Variants in USH2A observed in about 807,000 individuals in gnomAD.
USH2A encodes usherin, also known as Usher syndrome 2A (autosomal recessive, mild).
USH2A carries 443 observed loss-of-function variants against 538.9 expected under a neutral mutation model. That is an observed-to-expected ratio of 0.82 (90% CI 0.76 to 0.89). USH2A has a LOEUF of 0.89. Ranked by LOEUF, USH2A falls within the 40% of genes least tolerant of loss-of-function variation. The probability of loss-of-function intolerance (pLI) is 0.00; values close to 1 mark genes in which losing one functional copy is unlikely to be tolerated. For synonymous variants in USH2A, 2,413 were observed against 2,273.5 expected, an observed-to-expected ratio of 1.06 and a Z score of -1.75; for missense variants, 6,633 against 6,324.8, an observed-to-expected ratio of 1.05 and a Z score of -1.65.
intron 55 of USH2A, among the ~76,000 whole-genome samples, chr1:215,776,815 C>T (rs932541995): frequency 1.2e-4 from 19 of 152,072 alleles, no homozygotes; most frequent in Admixed American, 1.2e-3. Context: ...GTCAGCTAAC[C>T]GTGGAACTGA....
At chr1:216,258,662 T>A (rs2036303832) in intron 11 of USH2A, among the ~76,000 whole-genome samples, 1 of 152,098 alleles carries the variant, frequency 6.6e-6, no homozygotes, top group South Asian at 2.1e-4. Context: ...TCCGGGTCAA[T>A]TGTAAGATTC....
intron 41 of USH2A, among the ~76,000 whole-genome samples, chr1:215,882,955 T>C (rs891120020): frequency 7.2e-5 from 11 of 152,186 alleles, no homozygotes; most frequent in Non-Finnish European, 1.3e-4. Flanking sequence ...GGAAAATGCA[T>C]GTTTAATTTT....
intron 61 of USH2A, among the ~76,000 whole-genome samples, chr1:215,726,224 T>G (rs747995855): frequency 2.6e-5 from 4 of 152,138 alleles, no homozygotes; most frequent in Non-Finnish European, 5.9e-5. Flanking sequence ...GTAACGAACT[T>G]CCTCCTGGAT....
intron 61 of USH2A, among the ~76,000 whole-genome samples, chr1:215,693,690 C>T (rs1272404654): frequency 3.9e-5 from 6 of 152,254 alleles, no homozygotes; most frequent in South Asian, 2.1e-4. Flanking sequence ...GACATGTATA[C>T]GACTAGCCAG....
rs1210694373 is a variant in USH2A, at chr1:216,240,967, CAG to C, written c.2809+5616_2809+5617del. Among the ~76,000 whole-genome samples the C allele has an allele frequency of 3.3e-5, 5 of 152,282 alleles. No homozygotes were observed. In the East Asian group the frequency reaches 9.6e-4, roughly 29 times the overall value. On this transcript the variant is annotated intron_variant, in intron 13 of 71. Transcript: ENST00000307340. ...AACAAAACCTGATAGATTTCTTGAACAGAGTTCCCTTGGAGAGTTTTGTTTCC... is the reference window on the plus strand; with the variant it reads ...AACAAAACCTGATAGATTTCTTGAACAGTTCCCTTGGAGAGTTTTGTTTCC...
At chr1:216,308,172 T>C (rs189322064) in intron 9 of USH2A, among the ~76,000 whole-genome samples, 1 of 152,352 alleles carries the variant, frequency 6.6e-6, no homozygotes, top group East Asian at 1.9e-4. Context: ...TATGTATTAT[T>C]CTAAAACAAG....
At chr1:215,918,771 G>A (rs1666024914) in intron 38 of USH2A, among the ~76,000 whole-genome samples, 2 of 151,998 alleles carry the variant, frequency 1.3e-5, no homozygotes, top group Non-Finnish European at 2.9e-5. Flanking sequence ...TAAAAATTAT[G>A]ATATTCATTT....
chr1:216,138,988 ATCTAGT>A (rs1558278874), intron 21 of USH2A, among the ~76,000 whole-genome samples: 1 of 151,982 alleles, frequency 6.6e-6, no homozygotes, highest in Non-Finnish European at 1.5e-5. Context: ...ACTCAACCAA[ATCTAGT>A]TTCTATGTCC....
chr1:215,987,051 T>TA (rs200079188), intron 35 of USH2A, among the ~76,000 whole-genome samples: 12 of 152,084 alleles, frequency 7.9e-5, no homozygotes, highest in Non-Finnish European at 1.5e-4. Context: ...AGTTAGTATT[T>TA]AAAAAAAACA....
chr1:215,999,784 A>G (rs1237349060), intron 33 of USH2A, among the ~76,000 whole-genome samples: 1 of 152,174 alleles, frequency 6.6e-6, no homozygotes, highest in African/African-American at 2.4e-5. Context: ...GATCTGAATC[A>G]TAATATTTTT....
chr1:216,156,295 CTTTTTTTT>C (rs35698520), intron 21 of USH2A, among the ~76,000 whole-genome samples: 5 of 105,526 alleles, frequency 4.7e-5, no homozygotes, highest in African/African-American at 1.4e-4. Flanking sequence ...TTTTTTTTTT[CTTTTTTTT>C]TTTTTTTTTG....
chr1:216,106,728 T>G (rs773830880), intron 21 of USH2A, among the ~76,000 whole-genome samples: 2 of 151,848 alleles, frequency 1.3e-5, no homozygotes, highest in Non-Finnish European at 2.9e-5. Context: ...CTTTTTTGCC[T>G]GTTTTAAGAA....
chr1:216,119,007 C>A (rs1424775577), intron 21 of USH2A, among the ~76,000 whole-genome samples: 2 of 152,202 alleles, frequency 1.3e-5, no homozygotes, highest in African/African-American at 4.8e-5. Flanking sequence ...TTCTGAGAAA[C>A]AAAGGACTGG....
At chr1:216,054,429 C>T (rs1558233805) in intron 30 of USH2A, among the ~76,000 whole-genome samples, 1 of 152,080 alleles carries the variant, frequency 6.6e-6, no homozygotes, top group East Asian at 1.9e-4. Flanking sequence ...AGCTTTTGCA[C>T]CTCTAATGGG....
At chr1:216,082,813 C>T (rs887453697) in intron 26 of USH2A, among the ~76,000 whole-genome samples, 3 of 151,984 alleles carry the variant, frequency 2.0e-5, no homozygotes, top group Non-Finnish European at 4.4e-5. Context: ...AAATGTATAC[C>T]TATGTGGACA....
intron 35 of USH2A, among the ~76,000 whole-genome samples, chr1:215,985,499 C>T (rs918543859): frequency 9.2e-5 from 14 of 152,152 alleles, no homozygotes; most frequent in African/African-American, 3.4e-4. Context: ...AATAATTAAA[C>T]TGTTTAATAC....
chr1:215,709,231 C>T (rs1284325094), intron 61 of USH2A, among the ~76,000 whole-genome samples: 2 of 152,128 alleles, frequency 1.3e-5, no homozygotes, highest in Non-Finnish European at 2.9e-5. Context: ...ATAGTAGTTG[C>T]TCATAATAAA....
At chr1:216,220,370 C>T (rs867127749) in intron 14 of USH2A, among the ~76,000 whole-genome samples, 21 of 149,122 alleles carry the variant, frequency 1.4e-4, no homozygotes, top group African/African-American at 5.2e-4. Flanking sequence ...TAGAATTGCC[C>T]CGGTCCTCAA....
chr1:216,083,271 T>C lies in USH2A; in HGVS notation c.5298+185A>G, dbSNP rs2032011122. On this transcript the variant is annotated intron_variant, in intron 26 of 71. Transcript: ENST00000307340. ...TTGTTACAATTGTCATCTTAAAAAA[T>C]TACTAGGATAATAAAATACAAAATG... 2.0e-5 allele frequency: 11 copies of C among 546,920 alleles called. No individual in the cohort carries two copies. In the South Asian group the frequency reaches 3.1e-4, roughly 16 times the overall value. The allele number at this position is 546,920 out of a possible 1,614,324, so 33.9% of individuals were successfully genotyped here. A position where few individuals can be genotyped will look rare whatever the true frequency, so the allele number is the denominator to read the frequency against.
Sources: gnomAD v4.1 joint callset for allele counts (sites outside exome capture counted in the v4.1 genomes callset) on GRCh38, gnomAD v4.1.1 for gene constraint, MANE v1.5 for transcripts, NCBI Gene and HGNC (gene_info 2026-07-23, HGNC 2026-07-21) for gene names.